SATB2: variants seen among roughly 807,000 people sequenced by gnomAD.
SATB2 encodes the protein SATB homeobox 2.
SATB2 carries 1 observed loss-of-function variant against 73.4 expected under a neutral mutation model. That is an observed-to-expected ratio of 0.01 (90% CI 0.00 to 0.06). The LOEUF (loss-of-function observed/expected upper bound fraction) is 0.06. Among genes scored for constraint, SATB2 ranks in the 10% least tolerant of loss-of-function variants. The pLI is 1.00. For missense variants in SATB2, 459 were observed against 945.8 expected (o/e 0.49, Z 6.75); for synonymous variants, 397 against 367.0 (o/e 1.08, Z -0.93).
At chr2:199,448,377 T>G (rs1038707592) in intron 2 of SATB2, among the ~76,000 whole-genome samples, 3 of 151,900 alleles carry the variant, frequency 2.0e-5, no homozygotes, top group African/African-American at 7.3e-5. Context: ...TCAAATTTGC[T>G]CTCTTTGCAA....
At chr2:199,356,945 A>G (rs759826421) in intron 6 of SATB2, among the ~76,000 whole-genome samples, 6 of 152,182 alleles carry the variant, frequency 3.9e-5, no homozygotes, top group Non-Finnish European at 8.8e-5. Flanking sequence ...TGATATTAAG[A>G]TGCCTACTTT....
intron 6 of SATB2, among the ~76,000 whole-genome samples, chr2:199,351,784 T>C (rs970861396): frequency 6.6e-6 from 1 of 152,226 alleles, no homozygotes; most frequent in Non-Finnish European, 1.5e-5. Context: ...TTATTTGCTT[T>C]TAATTCAGTC....
At chr2:199,338,968 T>C (rs1688424052) in intron 7 of SATB2, among the ~76,000 whole-genome samples, 1 of 150,434 alleles carries the variant, frequency 6.6e-6, no homozygotes, top group Non-Finnish European at 1.5e-5. Flanking sequence ...CAGTATGTCA[T>C]CATGTTTGCT....
chr2:199,392,980 C>T (rs529677658), intron 3 of SATB2, among the ~76,000 whole-genome samples: 2 of 152,194 alleles, frequency 1.3e-5, no homozygotes, highest in Non-Finnish European at 2.9e-5. Context: ...CCTGCTAACA[C>T]GGCAAGTCAT....
chr2:199,403,833 T>C (rs921666098), intron 3 of SATB2, among the ~76,000 whole-genome samples: 1 of 152,134 alleles, frequency 6.6e-6, no homozygotes, highest in Non-Finnish European at 1.5e-5. Flanking sequence ...ATCTGGTCGG[T>C]TAGCAAAAAT....
intron 10 of SATB2, among the ~76,000 whole-genome samples, chr2:199,299,788 CT>C (rs1283602197): frequency 6.6e-6 from 1 of 152,072 alleles, no homozygotes; most frequent in East Asian, 1.9e-4. Context: ...TAACAGCAGG[CT>C]TATCGATGAA....
chr2:199,277,168 G>T (rs1306424325), intron 10 of SATB2, among the ~76,000 whole-genome samples: 1 of 152,162 alleles, frequency 6.6e-6, no homozygotes, highest in African/African-American at 2.4e-5. Flanking sequence ...AGCATAATGG[G>T]TTTCCACTGA....
chr2:199,282,191 CTTCTT>C (rs1481602155), intron 10 of SATB2, among the ~76,000 whole-genome samples: 1 of 152,164 alleles, frequency 6.6e-6, no homozygotes, highest in Non-Finnish European at 1.5e-5. Flanking sequence ...CATATTCTCT[CTTCTT>C]TACTTTCAGA....
intron 10 of SATB2, among the ~76,000 whole-genome samples, chr2:199,285,859 T>C (rs1395871867): frequency 6.8e-6 from 1 of 147,178 alleles, no homozygotes; most frequent in Admixed American, 7.0e-5. Flanking sequence ...TGTGTTCAAT[T>C]TCATCCAGCC....
chr2:199,459,512 A>T (rs982582756), upstream of SATB2: 3 of 152,134 alleles, frequency 2.0e-5, no homozygotes, highest in East Asian at 1.9e-4. This position sits in a 1 kb window ranked among gnomAD's most constrained non-coding sequence, Gnocchi z 4.2. Context: ...GTCGGCGGAC[A>T]TTAGCCGCTA....
chr2:199,423,251 G>A (rs1691225765), intron 3 of SATB2, among the ~76,000 whole-genome samples: 1 of 151,892 alleles, frequency 6.6e-6, no homozygotes, highest in Admixed American at 6.6e-5. Flanking sequence ...GTATCTTGAG[G>A]GCAGAGACAT....
At position 199,308,835 on chromosome 2, in the gene SATB2, G is replaced by C; in HGVS notation, c.1665C>G (p.Ile555Met). 1 of 1,614,130 alleles carries C rather than the reference G, an allele frequency of 6.2e-7. No individual in the cohort carries two copies. Among genetic ancestry groups the C allele is most frequent in the Non-Finnish European group, 8.5e-7 (1 of 1,179,986 alleles). The change falls in exon 10 of 11, where the codon ATC becomes ATG. Residue 555 changes from isoleucine to methionine, a missense_variant. Coordinates refer to ENST00000417098, the MANE Select transcript of SATB2 (RefSeq NM_001172509.2). The surrounding 1 kb of genome is among the most constrained non-coding windows in gnomAD (Gnocchi z 4.6). ...LNLPQHERDV[I>M]YEEESRHHHS... ...GGTGATGCCTTGACTCCTCCTCATA[G>C]ATGACATCCCTCTCATGCTGGGGAA... is the stretch of plus-strand genomic sequence containing the variant.
chr2:199,347,972 C>T (rs1688704165), intron 7 of SATB2: 1 of 152,180 alleles, frequency 6.6e-6, no homozygotes, highest in East Asian at 1.9e-4. Flanking sequence ...GGATGAGGCC[C>T]AGCAGTCTGT....
intron 2 of SATB2, among the ~76,000 whole-genome samples, chr2:199,453,164 ATATT>A (rs1037924192): frequency 1.3e-5 from 2 of 152,172 alleles, no homozygotes; most frequent in Admixed American, 6.5e-5. Context: ...ATTCAGAAGT[ATATT>A]TAAACTATAT....
intron 6 of SATB2, among the ~76,000 whole-genome samples, chr2:199,349,485 A>C (rs935861725): frequency 2.0e-5 from 3 of 152,156 alleles, no homozygotes; most frequent in African/African-American, 7.2e-5. Flanking sequence ...AGATCCCCCA[A>C]GCTCTATCAT....
At chr2:199,300,147 T>A (rs1308889884) in intron 10 of SATB2, among the ~76,000 whole-genome samples, 1 of 151,750 alleles carries the variant, frequency 6.6e-6, no homozygotes, top group African/African-American at 2.4e-5. Flanking sequence ...ATATTTTATT[T>A]TTAAGTAAGT....
upstream of SATB2, among the ~76,000 whole-genome samples, chr2:199,459,293 A>T (rs956764301): frequency 6.6e-6 from 1 of 151,828 alleles, no homozygotes; most frequent in African/African-American, 2.4e-5. The surrounding 1 kb of genome is among the most constrained non-coding windows in gnomAD (Gnocchi z 4.2). Flanking sequence ...GCGAAGGCGT[A>T]ACAGAGCCAC....
upstream of SATB2, chr2:199,459,533 C>G (rs1574650099): frequency 6.6e-6 from 1 of 152,622 alleles, no homozygotes; most frequent in East Asian, 1.9e-4. The surrounding 1 kb of genome is among the most constrained non-coding windows in gnomAD (Gnocchi z 4.2). Flanking sequence ...GGACCTTAGG[C>G]GAGAAAATGT....
chr2:199,417,754 T>C (rs890079107), intron 3 of SATB2, among the ~76,000 whole-genome samples: 12 of 152,196 alleles, frequency 7.9e-5, no homozygotes, highest in Admixed American at 1.3e-4. Context: ...TTTTATTATA[T>C]TGTCAGCCTG....
Sources: gnomAD v4.1 joint callset for allele counts (sites outside exome capture counted in the v4.1 genomes callset) on GRCh38, gnomAD v4.1.1 for gene constraint, Gnocchi (gnomAD v3.1) non-coding constraint, MANE v1.5 for transcripts, NCBI Gene and HGNC (gene_info 2026-07-23, HGNC 2026-07-21) for gene names.